The following CD276 variants were observed in gnomAD, a reference collection of about 807,000 sequenced individuals.
CD276 encodes the protein CD276 molecule.
CD276 carries 34 observed loss-of-function variants against 50.0 expected under a neutral mutation model. The observed-to-expected ratio is 0.68, with a 90% CI of 0.52 to 0.91. The LOEUF (loss-of-function observed/expected upper bound fraction) is 0.91. CD276 is among the 40% of genes least tolerant of loss of function. The pLI is 0.00. For missense variants in CD276, 634 were observed against 717.5 expected (o/e 0.88, Z 1.33); for synonymous variants, 275 against 313.0 (o/e 0.88, Z 1.28).
At chr15:73,708,511 C>G in intron 7 of CD276, 38 bp downstream of exon 7, 1 of 1,587,354 alleles carries the variant, frequency 6.3e-7, no homozygotes, top group African/African-American at 1.3e-5. Context: ...CGCATGCACA[C>G]TTATGTGTCT....
intron 7 of CD276, 77 bp from the exon 8 acceptor site, chr15:73,709,571 C>A: frequency 6.8e-7 from 1 of 1,462,518 alleles, no homozygotes; most frequent in Non-Finnish European, 9.6e-7. Flanking sequence ...GCTTCCTGCA[C>A]TCTCAGGTGG....
chr15:73,713,906 A>T lies in CD276; in HGVS notation c.*950A>T, dbSNP rs866697685. 13 of 386,250 alleles carry T rather than the reference A, an allele frequency of 3.4e-5. No individual in the cohort carries two copies. The Middle Eastern group carries it at 1.0e-3, about 31-fold the overall frequency. The allele number at this position is 386,250 out of a possible 1,614,324, so 23.9% of individuals were successfully genotyped here. On this transcript the variant is annotated 3_prime_UTR_variant, in exon 10 of 10. Transcript: ENST00000318443. ...TAGGTGCTGGGGGCCCTGCGTGGGA[A>T]GATAAAGTTCCTCCCTCAAGGACTC... is the stretch of plus-strand genomic sequence containing the variant.
intron 1 of CD276, among the ~76,000 whole-genome samples, chr15:73,691,969 G>T (rs1392348406): frequency 6.6e-6 from 1 of 152,118 alleles, no homozygotes; most frequent in African/African-American, 2.4e-5. Context: ...GCCAGTCTAG[G>T]GTAGAAGAGG....
At position 73,689,503 on chromosome 15, in the gene CD276, A is replaced by G. The variant is rs560222182; in HGVS notation, c.-55+5043A>G. 3.9e-5 allele frequency among the ~76,000 whole-genome samples: 6 copies of G among 152,254 alleles called. 1 individual carries two copies. The South Asian group carries it at 1.2e-3, about 32-fold the overall frequency. On this transcript the variant is annotated intron_variant, in intron 1 of 9. Coordinates refer to ENST00000318443, the MANE Select transcript of CD276 (RefSeq NM_001024736.2). ...GAAGGCAAACAGGGAGGCTGTTCCC[A>G]GGGAACTCTAGGGACCCTCCCATCT...
chr15:73,711,211 A>C, intron 9 of CD276, 41 bp downstream of exon 9: 1 of 1,606,262 alleles, frequency 6.2e-7, no homozygotes, highest in Middle Eastern at 1.7e-4. Flanking sequence ...GTGTATGCAC[A>C]CATCTGTGTG....
chr15:73,701,176 A>C (rs1027052219), intron 2 of CD276, among the ~76,000 whole-genome samples: 4 of 150,990 alleles, frequency 2.6e-5, no homozygotes, highest in African/African-American at 9.8e-5. Flanking sequence ...TTTTCCCCTC[A>C]CTTCTGACTC....
At chr15:73,710,718 G>A (rs2141585693) in intron 8 of CD276, among the ~76,000 whole-genome samples, 1 of 152,350 alleles carries the variant, frequency 6.6e-6, no homozygotes, top group African/African-American at 2.4e-5. Context: ...TGGCAGAAGG[G>A]AGGGAGTGAG....
chr15:73,702,701 C>T, intron 3 of CD276, 71 bp from the exon 4 acceptor site: 1 of 1,565,574 alleles, frequency 6.4e-7, no homozygotes, highest in Non-Finnish European at 8.7e-7. Flanking sequence ...GATTCCTGTA[C>T]TCAGCCCCAT....
At chr15:73,707,068 TC>T (rs1900677275) in intron 6 of CD276, among the ~76,000 whole-genome samples, 1 of 152,232 alleles carries the variant, frequency 6.6e-6, no homozygotes, top group Non-Finnish European at 1.5e-5. Flanking sequence ...TCCCTGTGCT[TC>T]CAATGGCCAG....
chr15:73,686,403 C>A, intron 1 of CD276: 1 of 501,154 alleles, frequency 2.0e-6, no homozygotes, highest in Non-Finnish European at 2.6e-6. Flanking sequence ...TGTCCAGGCA[C>A]CACCCGATGG....
At chr15:73,688,953 G>C (rs1485492510) in intron 1 of CD276, among the ~76,000 whole-genome samples, 9 of 152,154 alleles carry the variant, frequency 5.9e-5, no homozygotes, top group Admixed American at 3.9e-4. Flanking sequence ...GAAAGGATAG[G>C]ATTTCCAGAT....
At chr15:73,708,964 G>A (rs1176604431) in intron 7 of CD276, among the ~76,000 whole-genome samples, 1 of 152,248 alleles carries the variant, frequency 6.6e-6, no homozygotes, top group Non-Finnish European at 1.5e-5. Flanking sequence ...ACTGGTAAGT[G>A]GGTGAGAGGA....
At position 73,703,725 on chromosome 15, in the gene CD276, G is replaced by A. The variant is rs11574483; in HGVS notation, c.800G>A (p.Arg267His). ...VALVGTDATL[R>H]CSFSPEPGFS... is the part of the protein sequence containing the mutation. ...CTAGTGGGCACCGATGCCACCCTGC[G>A]CTGCTCCTTCTCCCCCGAGCCTGGC... The change falls in exon 5 of 10, where the codon CGC becomes CAC. Residue 267 changes from arginine to histidine, a missense_variant. Coordinates refer to ENST00000318443, the MANE Select transcript of CD276 (RefSeq NM_001024736.2). 0.1 allele frequency: 164,853 copies of A among 1,613,104 alleles called. 8,777 individuals carry two copies. The highest frequency in any genetic ancestry group is 0.15 in the African/African-American group (11,287 of 74,964).
chr15:73,701,291 G>A (rs1360948133), intron 2 of CD276, among the ~76,000 whole-genome samples: 2 of 152,032 alleles, frequency 1.3e-5, no homozygotes, highest in African/African-American at 2.4e-5. Flanking sequence ...CCTCTTACAG[G>A]GACAGCTGAA....
chr15:73,699,692 TG>T lies in CD276; in HGVS notation c.56del (p.Gly19GlufsTer51). ...ATGGGTGTGCATGTGGGTGCAGCCC[TG>T]GGAGCACTGTGGTTCTGCCTCACAG... The part of the protein sequence containing the change: ...PGMGVHVGAA[L>X]GALWFCLTGA... On this transcript the variant is annotated frameshift_variant, in exon 2 of 10. Transcript: ENST00000318443. LOFTEE classifies it high-confidence loss of function. The T allele has an allele frequency of 6.2e-7, 1 of 1,610,524 alleles. No homozygotes were observed. The highest frequency in any genetic ancestry group is 1.1e-5 in the South Asian group (1 of 90,558).
intron 1 of CD276, among the ~76,000 whole-genome samples, chr15:73,690,967 A>G (rs1899963918): frequency 1.3e-5 from 1 of 76,036 alleles, no homozygotes; most frequent in Non-Finnish European, 3.6e-5. Flanking sequence ...CAGTGATATA[A>G]TTTATGCTTT....
intron 1 of CD276, among the ~76,000 whole-genome samples, chr15:73,697,917 C>T (rs7176174): frequency 0.19 from 29,229 of 152,086 alleles, 3,896 homozygotes; most frequent in African/African-American, 0.38. Context: ...AGTGTTACAG[C>T]CTATCTCCCA....
intron 1 of CD276, among the ~76,000 whole-genome samples, chr15:73,696,127 C>T (rs1275627833): frequency 6.6e-6 from 1 of 152,226 alleles, no homozygotes; most frequent in Non-Finnish European, 1.5e-5. Flanking sequence ...TCTGTGAAAG[C>T]CGAAGGTGCT....
At chr15:73,685,615 C>T (rs1407789394) in intron 1 of CD276, among the ~76,000 whole-genome samples, 1 of 151,986 alleles carries the variant, frequency 6.6e-6, no homozygotes, top group Admixed American at 6.6e-5. Context: ...TTCTTATAAG[C>T]ATGTCTTCAG....
Sources: allele counts gnomAD v4.1 joint callset (sites outside exome capture counted in the v4.1 genomes callset), GRCh38; gene constraint gnomAD v4.1.1; transcripts MANE v1.5; gene names NCBI Gene and HGNC (gene_info 2026-07-23, HGNC 2026-07-21).